ABCB9: variants seen among roughly 807,000 people sequenced by gnomAD.
The protein encoded by ABCB9 is ATP binding cassette subfamily B member 9, also known as ABC-type oligopeptide transporter ABCB9.
ABCB9 carries 36 observed loss-of-function variants against 62.0 expected under a neutral mutation model. That is an observed-to-expected ratio of 0.58 (90% confidence interval 0.45 to 0.77). ABCB9 has a LOEUF of 0.77. Among genes scored for constraint, ABCB9 ranks in the 30% least tolerant of loss-of-function variants. ABCB9 has a pLI of 0.00. For missense variants in ABCB9, 943 were observed against 1,054.7 expected (o/e 0.89, Z 1.47); for synonymous variants, 435 against 461.4 (o/e 0.94, Z 0.73).
chr12:122,967,421 T>G (rs2037209740), upstream of ABCB9, among the ~76,000 whole-genome samples: 1 of 151,982 alleles, frequency 6.6e-6, no homozygotes, highest in Non-Finnish European at 1.5e-5. Context: ...CCGTGGGAAG[T>G]GGGTGGGGGA....
intron 11 of ABCB9, among the ~76,000 whole-genome samples, chr12:122,923,351 G>A (rs1344491634): frequency 2.0e-5 from 3 of 152,088 alleles, no homozygotes; most frequent in Admixed American, 6.6e-5. Context: ...GCAGTGGCGC[G>A]ACCTCCACGC....
At chr12:122,931,797 C>T (rs538640405) in intron 11 of ABCB9, 5 of 219,136 alleles carry the variant, frequency 2.3e-5, no homozygotes, top group Non-Finnish European at 4.6e-5. Flanking sequence ...GCATGTGCTA[C>T]CACACCTGGC....
intron 5 of ABCB9, 153 bp from the exon 6 acceptor site, chr12:122,946,375 T>TC (rs1343159046): frequency 4.2e-6 from 3 of 707,932 alleles, no homozygotes; most frequent in African/African-American, 1.8e-5. Context: ...TAGCCCTTTC[T>TC]CCCCCATCCC....
downstream of ABCB9, among the ~76,000 whole-genome samples, chr12:122,919,881 GTTTATTTATTTATTTA>G (rs200114805): frequency 0.078 from 10,841 of 138,796 alleles, 894 homozygotes; most frequent in African/African-American, 0.23. Flanking sequence ...CTGTTTGTTT[GTTTATTTATTTATTTA>G]TTTATTTATT....
At chr12:122,957,890 T>C (rs2036686858) in intron 2 of ABCB9, among the ~76,000 whole-genome samples, 1 of 150,316 alleles carries the variant, frequency 6.7e-6, no homozygotes, top group Admixed American at 6.6e-5. Context: ...GACGTGCAGG[T>C]CGGGCGCAGT....
downstream of ABCB9, among the ~76,000 whole-genome samples, chr12:122,924,153 G>A (rs2034826134): frequency 6.6e-6 from 1 of 152,164 alleles, no homozygotes; most frequent in Non-Finnish European, 1.5e-5. Flanking sequence ...CTGGCAAGTT[G>A]GAAACTGAAA....
At chr12:122,921,245 G>T (rs2135728189) in intron 11 of ABCB9, among the ~76,000 whole-genome samples, 1 of 150,776 alleles carries the variant, frequency 6.6e-6, no homozygotes, top group East Asian at 2.0e-4. Flanking sequence ...CCACAACTCT[G>T]TCTCTACAGA....
At chr12:122,950,254 G>C (rs1045895693) in intron 3 of ABCB9, among the ~76,000 whole-genome samples, 197 bp downstream of exon 3, 3 of 152,184 alleles carry the variant, frequency 2.0e-5, no homozygotes, top group Non-Finnish European at 2.9e-5. Flanking sequence ...CCCTTTTCAG[G>C]GACCAGAGGG....
At chr12:122,919,878 T>TTTATTTA (rs1367705653), downstream of ABCB9, among the ~76,000 whole-genome samples, 27 of 124,214 alleles carry the variant, frequency 2.2e-4, no homozygotes, top group African/African-American at 8.0e-4. Flanking sequence ...CATCTGTTTG[T>TTTATTTA]TTGTTTATTT....
At chr12:122,924,193 G>T (rs892090595), downstream of ABCB9, among the ~76,000 whole-genome samples, 4 of 152,192 alleles carry the variant, frequency 2.6e-5, no homozygotes, top group Non-Finnish European at 4.4e-5. Context: ...CAGCAGCAGG[G>T]AGTGTGGGGA....
In ABCB9 at chr12:122,940,308, T is replaced by C. The variant is rs1009242201; in HGVS notation, c.1570-24A>G. The C allele has an allele frequency of 4.5e-6, 7 of 1,545,254 alleles. No individual in the cohort carries two copies. The Admixed American group carries it at 9.7e-5, about 21-fold the overall frequency. ...TTCTGCAAAGAACACACAGGCACAG[T>C]GCGGGGTTATCGGCTCAGGTCCCAG... is the stretch of plus-strand genomic sequence containing the variant. On this transcript the variant is annotated intron_variant, in intron 8 of 11. Transcript: ENST00000280560. This position sits in a 1 kb window ranked among gnomAD's most constrained non-coding sequence, Gnocchi z 4.8.
chr12:122,920,874 C>T, downstream of ABCB9: 2 of 705,704 alleles, frequency 2.8e-6, no homozygotes, highest in African/African-American at 3.6e-5. Context: ...GATCGTACCA[C>T]TGCACTCCAG....
chr12:122,925,531 G>A (rs2034876057), downstream of ABCB9, among the ~76,000 whole-genome samples: 1 of 152,080 alleles, frequency 6.6e-6, no homozygotes, highest in African/African-American at 2.4e-5. Flanking sequence ...GGTGGATCAC[G>A]AGGTCAAGAG....
chr12:122,944,582 C>T lies in ABCB9; in HGVS notation c.1252-63G>A, dbSNP rs887039437. ...CTTAGATCCCCCACCATCCCCATTCCCTGACCCATCCCAGGCTGCAGGGGG... is the reference window on the plus strand; with the variant it reads ...CTTAGATCCCCCACCATCCCCATTCTCTGACCCATCCCAGGCTGCAGGGGG... On this transcript the variant is annotated intron_variant, in intron 6 of 11. Coordinates refer to ENST00000280560, the MANE Select transcript of ABCB9 (RefSeq NM_019625.4). This position sits in a 1 kb window ranked among gnomAD's most constrained non-coding sequence, Gnocchi z 4.9. The T allele has an allele frequency of 3.1e-6, 5 of 1,588,628 alleles. No homozygotes were observed. Among genetic ancestry groups the T allele is most frequent in the Admixed American group, 3.4e-5 (2 of 58,596 alleles).
At chr12:122,956,002 G>A (rs140425341) in intron 2 of ABCB9, among the ~76,000 whole-genome samples, 2 of 152,128 alleles carry the variant, frequency 1.3e-5, no homozygotes, top group Non-Finnish European at 2.9e-5. Flanking sequence ...GTGAGCCACC[G>A]TACCCAGCCT....
At chr12:122,950,749 A>G in intron 2 of ABCB9, 184 bp from the exon 3 acceptor site, 1 of 566,398 alleles carries the variant, frequency 1.8e-6, no homozygotes. Flanking sequence ...CTCCTCAGAG[A>G]ACAGGGGAGC....
chr12:122,974,094 T>C (rs1222201633), intron 1 of ABCB9, among the ~76,000 whole-genome samples: 1 of 149,896 alleles, frequency 6.7e-6, no homozygotes, highest in African/African-American at 2.4e-5. Context: ...TCTTGCAAAC[T>C]GCTGCAAACG....
chr12:122,926,576 TAAAA>T (rs1294677310), downstream of ABCB9, among the ~76,000 whole-genome samples: 1 of 151,294 alleles, frequency 6.6e-6, no homozygotes, highest in South Asian at 2.1e-4. Flanking sequence ...CCTGCCAAAA[TAAAA>T]CAAACAAAAG....
rs1054812939 is a variant in ABCB9 at position 122,964,976 on chromosome 12, C to G, written c.-88+1311G>C. 1.3e-5 allele frequency among the ~76,000 whole-genome samples: 2 copies of G among 152,176 alleles called. No individual in the cohort carries two copies. Among genetic ancestry groups the G allele is most frequent in the African/African-American group, 4.8e-5 (2 of 41,436 alleles). ...AGACGATAGATAGCAGTTATTATGA[C>G]GCTGCAACAGAGACCCTTTGCAGAG... On this transcript the variant is annotated intron_variant, in intron 1 of 11. Coordinates refer to ENST00000280560, the MANE Select transcript of ABCB9 (RefSeq NM_019625.4). The surrounding 1 kb of genome is among the most constrained non-coding windows in gnomAD (Gnocchi z 4.7).
Sources: gnomAD v4.1 joint callset for allele counts (sites outside exome capture counted in the v4.1 genomes callset) on GRCh38, gnomAD v4.1.1 for gene constraint, Gnocchi (gnomAD v3.1) non-coding constraint, MANE v1.5 for transcripts, NCBI Gene and HGNC (gene_info 2026-07-23, HGNC 2026-07-21) for gene names.